The following FBXO34 variants were observed in gnomAD, a reference collection of about 807,000 sequenced individuals.
FBXO34 encodes the protein F-box protein 34.
Under a neutral mutation model 24.5 loss-of-function variants are expected in FBXO34, and 12 were observed. The ratio of observed to expected loss-of-function variants is 0.49; its 90% CI spans 0.31 to 0.79. FBXO34 has a LOEUF of 0.79. Ranked by LOEUF, FBXO34 falls within the 30% of genes least tolerant of loss-of-function variation. The probability of loss-of-function intolerance (pLI) is 0.04; values close to 1 mark genes in which losing one functional copy is unlikely to be tolerated. For synonymous variants in FBXO34, 320 were observed against 311.9 expected (o/e 1.03, Z -0.27); for missense variants, 823 against 857.7 (o/e 0.96, Z 0.51).
chr14:55,369,960 C>G, downstream of FBXO34: 1 of 1,530,572 alleles, frequency 6.5e-7, no homozygotes, highest in Non-Finnish European at 8.8e-7. Flanking sequence ...TTTAGGATAA[C>G]AACCATTCTC....
the FBXO34 span, among the ~76,000 whole-genome samples, chr14:55,438,624 T>TC: frequency 6.6e-6 from 1 of 152,186 alleles, no homozygotes; most frequent in Non-Finnish European, 1.5e-5. Context: ...CACAAGAATG[T>TC]AAGGCAATGG....
Position 55,351,776 on chromosome 14 carries a change from G to C in FBXO34, c.1386G>C (p.Lys462Asn). 6.2e-7 allele frequency: 1 copy of C among 1,614,176 alleles called. No individual in the cohort carries two copies. The highest frequency in any genetic ancestry group is 1.1e-5 in the South Asian group (1 of 91,084). Residue 462 changes from lysine (K) to asparagine (N), a missense_variant, in exon 2 of 2, where the codon AAG becomes AAC. By Grantham distance (94) the Lys-to-Asn change is moderately conservative (BLOSUM62 0). Coordinates refer to ENST00000313833, the MANE Select transcript of FBXO34 (RefSeq NM_017943.4). ...TGTGCATTAGTATCACTGTGTCCAA[G>C]GTAGACAAAGACCAGCCTTCCATTT... Reference protein sequence around the residue: ...ESLCISITVSKVDKDQPSILN... With the variant: ...ESLCISITVSNVDKDQPSILN...
At chr14:55,411,376 C>T in the FBXO34 span, among the ~76,000 whole-genome samples, 26 of 152,340 alleles carry the variant, frequency 1.7e-4, no homozygotes, top group Admixed American at 2.6e-4. Flanking sequence ...TGGGGTCAAA[C>T]TCCTCTTGGG....
intron 1 of FBXO34, among the ~76,000 whole-genome samples, chr14:55,312,225 C>A (rs112648884): frequency 0.05 from 7,436 of 149,406 alleles, 241 homozygotes; most frequent in South Asian, 0.089. Context: ...AAACAAAAAA[C>A]CTTAAAGTTC....
At chr14:55,433,072 C>G in the FBXO34 span, among the ~76,000 whole-genome samples, 1 of 152,176 alleles carries the variant, frequency 6.6e-6, no homozygotes, top group Non-Finnish European at 1.5e-5. Flanking sequence ...TGTAGCAGCG[C>G]AGTTAAGTCC....
chr14:55,366,515 C>T (rs990631804), downstream of FBXO34: 1 of 152,610 alleles, frequency 6.6e-6, no homozygotes, highest in African/African-American at 2.4e-5. Context: ...AGGAGATTCT[C>T]GGACACTAGT....
At chr14:55,425,284 C>A in the FBXO34 span, among the ~76,000 whole-genome samples, 6 of 152,154 alleles carry the variant, frequency 3.9e-5, no homozygotes, top group Admixed American at 6.5e-5. Context: ...CTTCCCAACA[C>A]TGGGGAGACC....
chr14:55,299,166 G>C, intron 1 of FBXO34: 1 of 1,065,426 alleles, frequency 9.4e-7, no homozygotes, highest in Non-Finnish European at 1.5e-6. Flanking sequence ...CAGTGGCCCC[G>C]AAACAGTCCC....
At chr14:55,370,829 C>CG, downstream of FBXO34, among the ~76,000 whole-genome samples, 2 of 152,112 alleles carry the variant, frequency 1.3e-5, no homozygotes, top group South Asian at 4.2e-4. Context: ...TTAGTAGAGA[C>CG]GGGGTTTCAC....
At chr14:55,414,763 T>C in the FBXO34 span, among the ~76,000 whole-genome samples, 1 of 152,222 alleles carries the variant, frequency 6.6e-6, no homozygotes, top group African/African-American at 2.4e-5. Flanking sequence ...AGTAATTTCA[T>C]CAGCACCTGC....
chr14:55,311,176 T>C (rs1882724887), intron 1 of FBXO34, among the ~76,000 whole-genome samples: 1 of 152,186 alleles, frequency 6.6e-6, no homozygotes, highest in Admixed American at 6.5e-5. Context: ...GTGAAGCAGA[T>C]ACTTTCTTCA....
chr14:55,360,111 C>T (rs1367778232), intron 3 of FBXO34, among the ~76,000 whole-genome samples: 2 of 151,984 alleles, frequency 1.3e-5, no homozygotes, highest in African/African-American at 4.8e-5. Flanking sequence ...CTCGCTCTGT[C>T]TCCCAGGCTG....
the FBXO34 span, among the ~76,000 whole-genome samples, chr14:55,441,353 G>A: frequency 6.6e-6 from 1 of 151,316 alleles, no homozygotes; most frequent in African/African-American, 2.4e-5. Context: ...ACAAGGTCTC[G>A]GTATGTTACC....
the FBXO34 span, among the ~76,000 whole-genome samples, chr14:55,397,851 CT>C: frequency 2.0e-4 from 30 of 150,748 alleles, no homozygotes; most frequent in African/African-American, 3.4e-4. Flanking sequence ...AAATTGTAGA[CT>C]TTTTTTCACT....
the FBXO34 span, among the ~76,000 whole-genome samples, chr14:55,412,487 C>G: frequency 1.3e-5 from 2 of 152,188 alleles, no homozygotes; most frequent in Non-Finnish European, 2.9e-5. Context: ...CGTACCTTCC[C>G]TACCCTGGGC....
chr14:55,412,739 C>T, the FBXO34 span, among the ~76,000 whole-genome samples: 1 of 152,170 alleles, frequency 6.6e-6, no homozygotes, highest in Non-Finnish European at 1.5e-5. Flanking sequence ...CTCTCTCTAG[C>T]CAGGATTCCT....
At chr14:55,384,876 G>A in the FBXO34 span, among the ~76,000 whole-genome samples, 6 of 152,316 alleles carry the variant, frequency 3.9e-5, no homozygotes, top group East Asian at 1.2e-3. Flanking sequence ...CAGCATCAGG[G>A]AAGTTTAAAG....
chr14:55,305,710 A>G (rs1174207009), intron 1 of FBXO34, among the ~76,000 whole-genome samples: 1 of 152,068 alleles, frequency 6.6e-6, no homozygotes, highest in Admixed American at 6.6e-5. Flanking sequence ...CAGGAGTCGT[A>G]CAGGTGAGGG....
chr14:55,286,725 G>T (rs558097724), intron 1 of FBXO34, among the ~76,000 whole-genome samples: 1 of 152,006 alleles, frequency 6.6e-6, no homozygotes, highest in East Asian at 1.9e-4. Flanking sequence ...CTACAACCCT[G>T]TTCAAAACAA....
Sources: gnomAD v4.1 joint callset for allele counts (sites outside exome capture counted in the v4.1 genomes callset) on GRCh38, gnomAD v4.1.1 for gene constraint, MANE v1.5 for transcripts, NCBI Gene and HGNC (gene_info 2026-07-23, HGNC 2026-07-21) for gene names.